ARK2C: variants seen among roughly 807,000 people sequenced by gnomAD.
ARK2C encodes the protein E3 ubiquitin-protein ligase ARK2C.
At chr18:46,374,207 C>T in the ARK2C span, among the ~76,000 whole-genome samples, 1 of 152,052 alleles carries the variant, frequency 6.6e-6, no homozygotes, top group African/African-American at 2.4e-5. Context: ...TTTTTTTCCA[C>T]CAAAATAGTT....
chr18:46,443,024 T>G, the ARK2C span, among the ~76,000 whole-genome samples: 1 of 152,224 alleles, frequency 6.6e-6, no homozygotes, highest in Non-Finnish European at 1.5e-5. Flanking sequence ...TAACCTAGTA[T>G]CTACATATTT....
At chr18:46,432,970 A>ATAAATAAAT in the ARK2C span, among the ~76,000 whole-genome samples, 20 of 152,180 alleles carry the variant, frequency 1.3e-4, no homozygotes, top group African/African-American at 4.3e-4. Flanking sequence ...AAATAAATAA[A>ATAAATAAAT]AAATAAAGAT....
chr18:46,404,702 G>A, the ARK2C span, among the ~76,000 whole-genome samples: 2 of 151,908 alleles, frequency 1.3e-5, no homozygotes, highest in African/African-American at 2.4e-5. Flanking sequence ...GTAGTGAGCC[G>A]AGACCGCGCC....
chr18:46,348,974 G>T, the ARK2C span, among the ~76,000 whole-genome samples: 987 of 150,888 alleles, frequency 6.5e-3, 14 homozygotes, highest in African/African-American at 0.023. Context: ...CCTTGAACTT[G>T]GTTGCATGGA....
chr18:46,377,194 T>C, the ARK2C span, among the ~76,000 whole-genome samples: 4 of 152,224 alleles, frequency 2.6e-5, no homozygotes, highest in Non-Finnish European at 4.4e-5. Flanking sequence ...AGGTATATAA[T>C]GTACCCCTTT....
the ARK2C span, among the ~76,000 whole-genome samples, chr18:46,352,421 A>T: frequency 6.6e-5 from 10 of 152,168 alleles, no homozygotes; most frequent in Non-Finnish European, 1.2e-4. Flanking sequence ...GGAGACTCTC[A>T]TGTCCCAGCC....
the ARK2C span, among the ~76,000 whole-genome samples, chr18:46,377,687 C>A: frequency 6.6e-6 from 1 of 152,058 alleles, no homozygotes; most frequent in African/African-American, 2.4e-5. Context: ...TCATTAATTT[C>A]GCATGAGGGC....
chr18:46,437,433 C>G, the ARK2C span, among the ~76,000 whole-genome samples: 1 of 152,160 alleles, frequency 6.6e-6, no homozygotes, highest in Non-Finnish European at 1.5e-5. Flanking sequence ...TCATCCTCTG[C>G]AAGGAGCCCT....
At chr18:46,359,960 G>A in the ARK2C span, among the ~76,000 whole-genome samples, 16 of 152,208 alleles carry the variant, frequency 1.1e-4, no homozygotes, top group African/African-American at 3.9e-4. Flanking sequence ...ACCTGGAAAA[G>A]GATCTTTATT....
At chr18:46,394,611 T>C in the ARK2C span, among the ~76,000 whole-genome samples, 1 of 152,216 alleles carries the variant, frequency 6.6e-6, no homozygotes, top group African/African-American at 2.4e-5. Flanking sequence ...ATTGGGCAAA[T>C]GGAATACAGT....
the ARK2C span, among the ~76,000 whole-genome samples, chr18:46,397,953 GCA>G: frequency 7.0e-6 from 1 of 143,600 alleles, no homozygotes; most frequent in Non-Finnish European, 1.5e-5. Flanking sequence ...GGGTGTGTGT[GCA>G]TGTGGGGTGT....
At chr18:46,363,940 C>CTTTTCTTTTTTTTTTTTTTTTTTTTTT in the ARK2C span, among the ~76,000 whole-genome samples, 1 of 140,406 alleles carries the variant, frequency 7.1e-6, no homozygotes, top group Non-Finnish European at 1.5e-5. Context: ...TTTCTTTTTT[C>CTTTTCTTTTTTTTTTTTTTTTTTTTTT]TTTTCTTTTT....
At chr18:46,459,879 A>G in the ARK2C span, 9 of 152,654 alleles carry the variant, frequency 5.9e-5, no homozygotes, top group Non-Finnish European at 1.2e-4. Context: ...ACTGAGACGC[A>G]TGAGTGCCTT....
At chr18:46,433,358 C>A in the ARK2C span, 2 of 1,613,152 alleles carry the variant, frequency 1.2e-6, no homozygotes, top group Non-Finnish European at 1.7e-6. Context: ...CACAGCGGCG[C>A]CCTGCACCAG....
chr18:46,379,784 T>C, the ARK2C span, among the ~76,000 whole-genome samples: 2 of 152,208 alleles, frequency 1.3e-5, no homozygotes, highest in African/African-American at 2.4e-5. Context: ...AGGAGTTTGA[T>C]ACAAGGGATC....
the ARK2C span, among the ~76,000 whole-genome samples, chr18:46,446,670 CAAAAAA>C: frequency 5.8e-5 from 2 of 34,386 alleles, no homozygotes; most frequent in Non-Finnish European, 1.0e-4. Context: ...GACTCCATCT[CAAAAAA>C]AAAAAAAAAA....
the ARK2C span, among the ~76,000 whole-genome samples, chr18:46,399,307 G>T: frequency 2.6e-4 from 40 of 152,356 alleles, no homozygotes; most frequent in African/African-American, 9.4e-4. Context: ...CTTGGACGTG[G>T]GCTGCGCTTG....
chr18:46,456,813 G>T, the ARK2C span: 5 of 593,852 alleles, frequency 8.4e-6, no homozygotes, highest in Admixed American at 2.7e-5. Context: ...GGGTTGGGGA[G>T]GACCCACCTC....
chr18:46,382,564 AACCCT>A, the ARK2C span, among the ~76,000 whole-genome samples: 10 of 152,096 alleles, frequency 6.6e-5, no homozygotes, highest in Admixed American at 5.9e-4. Flanking sequence ...CTGAGAGTAA[AACCCT>A]ACCTGCCCCA....
Sources: allele counts gnomAD v4.1 joint callset (sites outside exome capture counted in the v4.1 genomes callset), GRCh38; gene constraint gnomAD v4.1.1; transcripts MANE v1.5; gene names NCBI Gene and HGNC (gene_info 2026-07-23, HGNC 2026-07-21).